The following CST9 variants were observed in gnomAD, a reference collection of about 807,000 sequenced individuals.
CST9 encodes cystatin 9.
In CST9, 11 loss-of-function variants were observed where a neutral mutation model predicts 7.7. The observed-to-expected ratio is 1.44, with a 90% CI of 0.90 to 2.38. The LOEUF (loss-of-function observed/expected upper bound fraction) is 2.38, where lower values mean the gene tolerates loss of function less well. Among genes scored for constraint, CST9 ranks in the 30% most tolerant of loss-of-function variants. The pLI is 0.00. For missense variants in CST9, 214 were observed against 199.1 expected, an observed-to-expected ratio of 1.07 and a Z score of -0.45; for synonymous variants, 71 against 74.3, an observed-to-expected ratio of 0.96 and a Z score of 0.23.
chr20:23,603,674 A>G lies in CST9; in HGVS notation c.316T>C (p.Phe106Leu). Residue 106 changes from phenylalanine (F) to leucine (L), a missense_variant, in exon 2 of 2, where the codon TTT becomes CTT. Physicochemically the swap from Phe to Leu is conservative, Grantham distance 22 (BLOSUM62 0). Transcript: ENST00000376971. ...GGGCAGTTGTCAATGTCATCTTCAA[A>G]TTTCCTACATACGGTTTGGCGCAGT... ...LQLRQTVCRK[F>L]EDDIDNCPFQ... 1 of 1,614,220 alleles carries G rather than the reference A, an allele frequency of 6.2e-7. No individual in the cohort carries two copies. The highest frequency in any genetic ancestry group is 8.5e-7 in the Non-Finnish European group (1 of 1,180,042).
chr20:23,604,744 G>A (rs1978714377), intron 1 of CST9, among the ~76,000 whole-genome samples: 1 of 152,200 alleles, frequency 6.6e-6, no homozygotes, highest in Non-Finnish European at 1.5e-5. Context: ...ATGGCAGTGA[G>A]GAATCCACCC....
At chr20:23,604,297 T>C (rs1054284211) in intron 1 of CST9, among the ~76,000 whole-genome samples, 3 of 152,124 alleles carry the variant, frequency 2.0e-5, no homozygotes, top group Non-Finnish European at 4.4e-5. Context: ...ATGCTGAAGT[T>C]CTCCTTGCCC....
At chr20:23,603,824 C>T (rs1978688719) in intron 1 of CST9, 90 bp from the exon 2 acceptor site, 1 of 1,330,504 alleles carries the variant, frequency 7.5e-7, no homozygotes, top group Non-Finnish European at 1.1e-6. Flanking sequence ...AGGAGAGGCC[C>T]CAACACTTTA....
chr20:23,602,789 A>T lies in CST9; in HGVS notation c.*721T>A, dbSNP rs1001448287. The T allele has an allele frequency of 2.0e-6, 2 of 985,564 alleles. No homozygotes were observed. Among genetic ancestry groups the T allele is most frequent in the Non-Finnish European group, 2.4e-6 (2 of 830,166 alleles). The allele number at this position is 985,564 out of a possible 1,614,324, so 61.1% of individuals were successfully genotyped here. ...GGGAATCTTGTGGCATCTGCCCTCA[A>T]CACAGGTTCCATCTCCACCTTGCCC... On this transcript the variant is annotated 3_prime_UTR_variant, in exon 2 of 2. Transcript: ENST00000376971.
rs1978657062 is a variant in CST9 at position 23,603,029 on chromosome 20, T to C, written c.*481A>G. ...CCAAGAGCAGCAGGAGAATGTTTTGTCCCAGTGGAAGCAGTTCCCAGACTT... is the reference window on the plus strand; with the variant it reads ...CCAAGAGCAGCAGGAGAATGTTTTGCCCCAGTGGAAGCAGTTCCCAGACTT... On this transcript the variant is annotated 3_prime_UTR_variant, in exon 2 of 2. Coordinates refer to ENST00000376971, the MANE Select transcript of CST9 (RefSeq NM_001008693.3). The C allele has an allele frequency of 9.9e-7, 1 of 1,005,196 alleles. No individual in the cohort carries two copies. Among genetic ancestry groups the C allele is most frequent in the South Asian group, 4.3e-5 (1 of 23,024 alleles). 62.3% of individuals were successfully genotyped at this position (1,005,196 alleles called of 1,614,324 possible).
chr20:23,603,574 C>T lies in CST9; in HGVS notation c.416G>A (p.Cys139Tyr). The change falls in exon 2 of 2, where the codon TGC (cysteine) becomes TAC (tyrosine). Residue 139 changes from cysteine to tyrosine, a missense_variant. Transcript: ENST00000376971. ...SFPQVHSCGCCMGCGVGTGAA... is the reference protein window; with the variant it reads ...SFPQVHSCGCYMGCGVGTGAA... Reference sequence around the variant, plus strand: ...TCCTGTGCCCACACCACACCCCATGCAGCATCCACAGCTGTGGACCTGAGG... The same window carrying T: ...TCCTGTGCCCACACCACACCCCATGTAGCATCCACAGCTGTGGACCTGAGG... The T allele has an allele frequency of 1.2e-6, 2 of 1,614,200 alleles. No individual in the cohort carries two copies. Among genetic ancestry groups the T allele is most frequent in the Non-Finnish European group, 1.7e-6 (2 of 1,180,040 alleles).
Position 23,605,916 on chromosome 20 carries a change from C to T in CST9, c.-52G>A, listed in dbSNP as rs1978758005. ...TTGCCCTTCAGATCCCTGGCGTCCA[C>T]TGGAGCCTTCCAGGGCTCAGGTCTG... On this transcript the variant is annotated 5_prime_UTR_variant, in exon 1 of 2. It adds an upstream start codon to the 5' untranslated region. Coordinates refer to ENST00000376971, the MANE Select transcript of CST9 (RefSeq NM_001008693.3). 1.9e-6 allele frequency: 3 copies of T among 1,601,236 alleles called. No individual in the cohort carries two copies. Among genetic ancestry groups the T allele is most frequent in the Admixed American group, 3.4e-5 (2 of 59,098 alleles).
Position 23,604,017 on chromosome 20 carries a change from G to A in CST9, c.256-283C>T, listed in dbSNP as rs553756892. 1.9e-4 allele frequency among the ~76,000 whole-genome samples: 29 copies of A among 152,264 alleles called. No homozygotes were observed. The South Asian group carries it at 5.4e-3, about 28-fold the overall frequency. On this transcript the variant is annotated intron_variant, in intron 1 of 1. Coordinates refer to ENST00000376971, the MANE Select transcript of CST9 (RefSeq NM_001008693.3). ...ACCTCCACCCACCCCCATTTCCCAC[G>A]GTGAGACTCCAGCTTCACTCTCAGT...
chr20:23,603,238 G>T lies in CST9; in HGVS notation c.*272C>A. ...TCCACCACTTTTGGGTCTAGGGCAG[G>T]GTAGGGAAACCCTGAGAAAAGTACC... On this transcript the variant is annotated 3_prime_UTR_variant, in exon 2 of 2. Coordinates refer to ENST00000376971, the MANE Select transcript of CST9 (RefSeq NM_001008693.3). 7.6e-7 allele frequency: 1 copy of T among 1,315,336 alleles called. No individual in the cohort carries two copies. Among genetic ancestry groups the T allele is most frequent in the Non-Finnish European group, 9.7e-7 (1 of 1,027,160 alleles). The allele number at this position is 1,315,336 out of a possible 1,614,324, so 81.5% of individuals were successfully genotyped here. A position where few individuals can be genotyped will look rare whatever the true frequency, so the allele number is the denominator to read the frequency against.
chr20:23,602,837 C>A lies in CST9; in HGVS notation c.*673G>T, dbSNP rs560826642. 3.0e-6 allele frequency: 3 copies of A among 985,586 alleles called. No homozygotes were observed. The African/African-American group carries it at 5.2e-5, about 17-fold the overall frequency. The allele number at this position is 985,586 out of a possible 1,614,324, so 61.1% of individuals were successfully genotyped here. A position where few individuals can be genotyped will look rare whatever the true frequency, so the allele number is the denominator to read the frequency against. On this transcript the variant is annotated 3_prime_UTR_variant, in exon 2 of 2. Coordinates refer to ENST00000376971, the MANE Select transcript of CST9 (RefSeq NM_001008693.3). ...CCCATTCCTGGGGCCAGCAATTGTG[C>A]CACGTGGCTCTGGCCTTCAGGTCTA...
Position 23,602,706 on chromosome 20 carries a change from G to C in CST9, c.*804C>G. On this transcript the variant is annotated 3_prime_UTR_variant, in exon 2 of 2. Coordinates refer to ENST00000376971, the MANE Select transcript of CST9 (RefSeq NM_001008693.3). ...GCATGGTTTCAACAGTGAAGAAGCA[G>C]CTGAAGGTCCGAGGGAACAAACAGG... 1 of 985,734 alleles carries C rather than the reference G, an allele frequency of 1.0e-6. No individual in the cohort carries two copies. Among genetic ancestry groups the C allele is most frequent in the South Asian group, 4.7e-5 (1 of 21,292 alleles). 61.1% of individuals were successfully genotyped at this position (985,734 alleles called of 1,614,324 possible). A position where few individuals can be genotyped will look rare whatever the true frequency, so the allele number is the denominator to read the frequency against.
In CST9 at chr20:23,605,893, G is replaced by C; in HGVS notation, c.-29C>G. 1 of 1,611,884 alleles carries C rather than the reference G, an allele frequency of 6.2e-7. No individual in the cohort carries two copies. Among genetic ancestry groups the C allele is most frequent in the Non-Finnish European group, 8.5e-7 (1 of 1,179,092 alleles). ...GCAGGCTCCAGCAGCCCTTGCCTTT[G>C]CCCTTCAGATCCCTGGCGTCCACTG... On this transcript the variant is annotated 5_prime_UTR_variant, in exon 1 of 2. Transcript: ENST00000376971.
chr20:23,605,355 AG>A (rs1184605834), intron 1 of CST9, among the ~76,000 whole-genome samples: 1 of 152,144 alleles, frequency 6.6e-6, no homozygotes, highest in African/African-American at 2.4e-5. Context: ...CTTATTTTGA[AG>A]TCACTCTTCA....
At chr20:23,605,545 C>T in intron 1 of CST9, 65 bp downstream of exon 1, 1 of 1,553,172 alleles carries the variant, frequency 6.4e-7, no homozygotes. Flanking sequence ...CTAGACTAGA[C>T]ATCTTGGTCC....
chr20:23,603,008 G>A lies in CST9; in HGVS notation c.*502C>T. On this transcript the variant is annotated 3_prime_UTR_variant, in exon 2 of 2. Coordinates refer to ENST00000376971, the MANE Select transcript of CST9 (RefSeq NM_001008693.3). ...GTCCTGGTGTGATCCCTGCATCCAA[G>A]AGCAGCAGGAGAATGTTTTGTCCCA... 1.0e-6 allele frequency: 1 copy of A among 1,002,730 alleles called. No individual in the cohort carries two copies. Among genetic ancestry groups the A allele is most frequent in the Non-Finnish European group, 1.2e-6 (1 of 840,728 alleles). The allele number at this position is 1,002,730 out of a possible 1,614,324, so 62.1% of individuals were successfully genotyped here.
In CST9 at chr20:23,605,591, A is replaced by G; in HGVS notation, c.255+19T>C. 2.5e-6 allele frequency: 4 copies of G among 1,611,384 alleles called. No homozygotes were observed. The highest frequency in any genetic ancestry group is 3.4e-6 in the Non-Finnish European group (4 of 1,178,416). On this transcript the variant is annotated intron_variant, in intron 1 of 1. Coordinates refer to ENST00000376971, the MANE Select transcript of CST9 (RefSeq NM_001008693.3). ...GGCAGATGGAGAAGGACAGGCCAGA[A>G]GAGGATGTGGTCACCAACCTTTCTG...
chr20:23,603,228 T>C lies in CST9; in HGVS notation c.*282A>G. On this transcript the variant is annotated 3_prime_UTR_variant, in exon 2 of 2. Coordinates refer to ENST00000376971, the MANE Select transcript of CST9 (RefSeq NM_001008693.3). Reference sequence around the variant, plus strand: ...CTTCTCAGCCTCCACCACTTTTGGGTCTAGGGCAGGGTAGGGAAACCCTGA... The same window carrying C: ...CTTCTCAGCCTCCACCACTTTTGGGCCTAGGGCAGGGTAGGGAAACCCTGA... 7.8e-7 allele frequency: 1 copy of C among 1,283,784 alleles called. No individual in the cohort carries two copies. The highest frequency in any genetic ancestry group is 9.9e-7 in the Non-Finnish European group (1 of 1,009,428). The allele number at this position is 1,283,784 out of a possible 1,614,324, so 79.5% of individuals were successfully genotyped here. A position where few individuals can be genotyped will look rare whatever the true frequency, so the allele number is the denominator to read the frequency against.
In CST9 at chr20:23,603,534, G is replaced by T. The variant is rs747494517; in HGVS notation, c.456C>A (p.Ala152=). ...CTCACTTCCCTTTGTCCCTCGGAAT[G>T]GCTTTGTCAGCTGCTCCTGTGCCCA... ...CGVGTGAADK[A]IPRDKGK is the part of the protein sequence containing the mutation. Residue 152 remains alanine (A), a synonymous_variant, in exon 2 of 2, where the codon GCC becomes GCA. Transcript: ENST00000376971. 1.9e-6 allele frequency: 3 copies of T among 1,614,174 alleles called. No individual in the cohort carries two copies. In the South Asian group the frequency reaches 3.3e-5, roughly 18 times the overall value.
chr20:23,603,791 A>G (rs913259006), intron 1 of CST9, 57 bp from the exon 2 acceptor site: 20 of 1,556,340 alleles, frequency 1.3e-5, no homozygotes, highest in Non-Finnish European at 1.8e-5. Flanking sequence ...CTAAGTAGCT[A>G]CTAGTGAAGA....
Sources: allele counts gnomAD v4.1 joint callset (sites outside exome capture counted in the v4.1 genomes callset), GRCh38; gene constraint gnomAD v4.1.1; transcripts MANE v1.5; gene names NCBI Gene and HGNC (gene_info 2026-07-23, HGNC 2026-07-21).